Variants in SPAG16 observed in about 807,000 individuals in gnomAD.
SPAG16 encodes sperm-associated antigen 16 protein.
Under a neutral mutation model 80.4 loss-of-function variants are expected in SPAG16, and 86 were observed. The ratio of observed to expected loss-of-function variants is 1.07; its 90% CI spans 0.90 to 1.28. The LOEUF (loss-of-function observed/expected upper bound fraction) is 1.28, where lower values mean the gene tolerates loss of function less well. SPAG16 is among the 50% of genes most tolerant of loss of function. SPAG16 has a pLI of 0.00. For synonymous variants in SPAG16, 294 were observed against 265.9 expected (o/e 1.11, Z -1.03); for missense variants, 870 against 765.3 (o/e 1.14, Z -1.61).
chr2:213,930,113 G>A lies in SPAG16; in HGVS notation c.1368G>A (p.Leu456=), dbSNP rs778347874. The change falls in exon 12 of 16, where the codon CTG becomes CTA. Residue 456 remains leucine, a synonymous_variant. Transcript: ENST00000331683. Reference sequence around the variant, plus strand: ...GCAATTTTGTGGCTTCCTCCTCACTGGATAAAACTAGCAAAATTTGGGATG... The same window carrying A: ...GCAATTTTGTGGCTTCCTCCTCACTAGATAAAACTAGCAAAATTTGGGATG... The part of the protein sequence containing the change: ...SCGNFVASSS[L]DKTSKIWDVN... 6.2e-7 allele frequency: 1 copy of A among 1,613,380 alleles called. No homozygotes were observed. The highest frequency in any genetic ancestry group is 2.2e-5 in the East Asian group (1 of 44,856).
At chr2:213,589,947 C>T (rs1189584455) in intron 10 of SPAG16, among the ~76,000 whole-genome samples, 2 of 150,854 alleles carry the variant, frequency 1.3e-5, no homozygotes, top group Admixed American at 1.3e-4. Flanking sequence ...ATCCTTTGAA[C>T]ACTGGGGACT....
intron 9 of SPAG16, among the ~76,000 whole-genome samples, chr2:213,400,029 G>C (rs925934909): frequency 1.1e-4 from 16 of 151,480 alleles, no homozygotes; most frequent in African/African-American, 3.9e-4. Flanking sequence ...CCTTCCAACA[G>C]TTTTCCCCTC....
chr2:213,671,311 A>C (rs557741911), intron 10 of SPAG16, among the ~76,000 whole-genome samples: 4 of 152,214 alleles, frequency 2.6e-5, no homozygotes, highest in Non-Finnish European at 5.9e-5. Flanking sequence ...TAAGGGTAGC[A>C]TGTGATTGAG....
chr2:213,953,528 A>G (rs1040442821), intron 12 of SPAG16, among the ~76,000 whole-genome samples: 2 of 151,898 alleles, frequency 1.3e-5, no homozygotes, highest in Non-Finnish European at 2.9e-5. Flanking sequence ...TTATACACAC[A>G]GAGACACATA....
At chr2:213,465,030 C>A (rs2072602461) in intron 9 of SPAG16, among the ~76,000 whole-genome samples, 1 of 152,192 alleles carries the variant, frequency 6.6e-6, no homozygotes, top group African/African-American at 2.4e-5. Context: ...GCTGCTTGAT[C>A]TACCAGTTTA....
chr2:213,993,996 G>T (rs1156356154), intron 12 of SPAG16, among the ~76,000 whole-genome samples: 2 of 152,170 alleles, frequency 1.3e-5, no homozygotes, highest in Non-Finnish European at 2.9e-5. Context: ...GTAGATGAGG[G>T]ATACAAATAC....
intron 15 of SPAG16, among the ~76,000 whole-genome samples, chr2:214,403,739 T>C (rs1027891318): frequency 6.6e-6 from 1 of 152,200 alleles, no homozygotes; most frequent in African/African-American, 2.4e-5. Context: ...ATATTGATTA[T>C]ATCTTCCTTG....
intron 15 of SPAG16, among the ~76,000 whole-genome samples, chr2:214,215,052 A>C (rs1252381453): frequency 2.0e-5 from 3 of 152,066 alleles, no homozygotes; most frequent in Non-Finnish European, 2.9e-5. Flanking sequence ...TGACAATATT[A>C]AATTTTATTT....
intron 10 of SPAG16, among the ~76,000 whole-genome samples, chr2:213,682,531 A>G (rs1259720747): frequency 6.6e-6 from 1 of 152,208 alleles, no homozygotes; most frequent in East Asian, 1.9e-4. Context: ...TTTGGTCAGG[A>G]GCATTCTCTC....
chr2:214,135,707 C>CTCTCTCTG (rs1396179027), intron 14 of SPAG16, among the ~76,000 whole-genome samples: 1 of 146,620 alleles, frequency 6.8e-6, no homozygotes, highest in Admixed American at 6.7e-5. Context: ...CTATCTCTCT[C>CTCTCTCTG]TCTCTCTGTC....
intron 10 of SPAG16, among the ~76,000 whole-genome samples, chr2:213,757,891 A>G (rs1385510792): frequency 1.3e-5 from 2 of 152,040 alleles, no homozygotes; most frequent in Non-Finnish European, 2.9e-5. Context: ...TTGCACCTCT[A>G]TCCATTATTG....
chr2:214,136,476 T>A (rs13008598), intron 14 of SPAG16, among the ~76,000 whole-genome samples: 29,960 of 152,174 alleles, frequency 0.2, 2,998 homozygotes, highest in African/African-American at 0.23. Flanking sequence ...AATGATGTAG[T>A]GCTGTGTTGT....
intron 10 of SPAG16, among the ~76,000 whole-genome samples, chr2:213,705,212 C>T (rs111523903): frequency 0.027 from 4,061 of 151,750 alleles, 74 homozygotes; most frequent in Middle Eastern, 0.11. Flanking sequence ...CGTGCCACTG[C>T]GCTCCAGCCT....
chr2:213,908,884 T>A (rs183167937), intron 11 of SPAG16, among the ~76,000 whole-genome samples: 2 of 152,100 alleles, frequency 1.3e-5, no homozygotes, highest in African/African-American at 4.8e-5. Context: ...TAACTCATCA[T>A]TTAGCATTAG....
Position 213,929,964 on chromosome 2 carries a change from G to T in SPAG16, c.1219G>T (p.Asp407Tyr), listed in dbSNP as rs1171232370. ...TTTTTATGTTTTTGCAAATAGTGGCGACAAATTGGCTACTTCAAGTGGTGA... is the reference window on the plus strand; with the variant it reads ...TTTTTATGTTTTTGCAAATAGTGGCTACAAATTGGCTACTTCAAGTGGTGA... ...LSDCCFHPSGDKLATSSGDTT... is the reference protein window; with the variant it reads ...LSDCCFHPSGYKLATSSGDTT... The change falls in exon 12 of 16, where the codon GAC (aspartate) becomes TAC (tyrosine). Residue 407 changes from aspartate (D) to tyrosine (Y), a missense_variant. By Grantham distance (160) the Asp-to-Tyr change is radical. Transcript: ENST00000331683. The T allele has an allele frequency of 6.3e-7, 1 of 1,599,090 alleles. No individual in the cohort carries two copies. Among genetic ancestry groups the T allele is most frequent in the Admixed American group, 1.8e-5 (1 of 56,480 alleles).
intron 13 of SPAG16, among the ~76,000 whole-genome samples, chr2:214,073,225 AT>A (rs2050884912): frequency 7.2e-6 from 1 of 139,170 alleles, no homozygotes; most frequent in African/African-American, 2.8e-5. Flanking sequence ...ATTGGTGGAA[AT>A]TTTTTCTTTT....
intron 12 of SPAG16, among the ~76,000 whole-genome samples, chr2:213,999,108 A>C (rs1010630160): frequency 6.6e-6 from 1 of 152,224 alleles, no homozygotes; most frequent in African/African-American, 2.4e-5. Flanking sequence ...AGTAACAACG[A>C]GGGGAATGTT....
intron 10 of SPAG16, among the ~76,000 whole-genome samples, chr2:213,800,374 T>TCTCCCTC: frequency 7.5e-6 from 1 of 132,996 alleles, no homozygotes; most frequent in African/African-American, 3.1e-5. Flanking sequence ...CTCTCTCCCT[T>TCTCCCTC]TCTTCTTTTC....
rs201910290 is a variant in SPAG16 at position 214,042,819 on chromosome 2, T to TA, written c.1527+28749dup. 3.8e-3 allele frequency among the ~76,000 whole-genome samples: 572 copies of TA among 152,266 alleles called. 4 individuals carry two copies. The highest frequency in any genetic ancestry group is 0.017 in the Middle Eastern group (5 of 294). ...CTACCCAAGCTAAAGTGCTCAGCAGTAAAAAAATTCCACCTTTGTTAGAGG... is the reference window on the plus strand; with the variant it reads ...CTACCCAAGCTAAAGTGCTCAGCAGTAAAAAAAATTCCACCTTTGTTAGAGG... On this transcript the variant is annotated intron_variant, in intron 13 of 15. Coordinates refer to ENST00000331683, the MANE Select transcript of SPAG16 (RefSeq NM_024532.5).
Sources: allele counts gnomAD v4.1 joint callset (sites outside exome capture counted in the v4.1 genomes callset), GRCh38; gene constraint gnomAD v4.1.1; transcripts MANE v1.5; gene names NCBI Gene and HGNC (gene_info 2026-07-23, HGNC 2026-07-21).